The following SVOPL variants were observed in gnomAD, a reference collection of about 807,000 sequenced individuals.
SVOPL encodes the protein SVOP like.
A neutral mutation model predicts 61.0 loss-of-function variants in SVOPL; 60 were observed. The ratio of observed to expected loss-of-function variants is 0.98; its 90% CI spans 0.80 to 1.22. The LOEUF (loss-of-function observed/expected upper bound fraction) is 1.22. Among genes scored for constraint, SVOPL ranks in the 50% most tolerant of loss-of-function variants. SVOPL has a pLI of 0.00. For missense variants in SVOPL, 662 were observed against 643.9 expected (o/e 1.03, Z -0.30); for synonymous variants, 279 against 250.0 (o/e 1.12, Z -1.09).
chr7:138,682,344 A>G lies in SVOPL; in HGVS notation c.-34-3265T>C, dbSNP rs183844342. 2.0e-3 allele frequency among the ~76,000 whole-genome samples: 307 copies of G among 152,334 alleles called. 1 individual carries two copies. The highest frequency in any genetic ancestry group is 7.0e-3 in the African/African-American group (289 of 41,572). On this transcript the variant is annotated intron_variant, in intron 1 of 15. Transcript: ENST00000674285. ...GCAGATTGCATTGGGTCCTAATGAGATGCAACAGGAAGACGTATACAACAT... is the reference window on the plus strand; with the variant it reads ...GCAGATTGCATTGGGTCCTAATGAGGTGCAACAGGAAGACGTATACAACAT...
chr7:138,689,797 C>T (rs1584870856), intron 1 of SVOPL, among the ~76,000 whole-genome samples: 1 of 142,418 alleles, frequency 7.0e-6, no homozygotes, highest in South Asian at 2.2e-4. Flanking sequence ...GTGGAGGTTG[C>T]AGTGAGCTGA....
At chr7:138,643,635 G>A (rs1007821696) in intron 9 of SVOPL, among the ~76,000 whole-genome samples, 1 of 151,676 alleles carries the variant, frequency 6.6e-6, no homozygotes, top group African/African-American at 2.4e-5. Context: ...AGGACATTAT[G>A]CGAAATGAAA....
intron 1 of SVOPL, among the ~76,000 whole-genome samples, chr7:138,682,865 G>T (rs1365306921): frequency 6.6e-6 from 1 of 151,444 alleles, no homozygotes; most frequent in East Asian, 1.9e-4. Context: ...CTACTCGGGA[G>T]GCTGAGGCAC....
intron 13 of SVOPL, among the ~76,000 whole-genome samples, chr7:138,622,270 G>GTATCTATCTATCTATC (rs1224085695): frequency 1.3e-4 from 11 of 83,794 alleles, no homozygotes; most frequent in Non-Finnish European, 2.1e-4. Context: ...ATCTATCTAT[G>GTATCTATCTATCTATC]TATCTATCTA....
intron 2 of SVOPL, 122 bp downstream of exon 2, chr7:138,678,842 T>C: frequency 9.9e-7 from 1 of 1,014,798 alleles, no homozygotes; most frequent in South Asian, 1.6e-5. Flanking sequence ...AGTGATGGGA[T>C]TACAGGTGTG....
rs1194349116 is a variant in SVOPL, at chr7:138,672,689, C to T, written c.175-572G>A. Among the ~76,000 whole-genome samples, 3 of 142,026 alleles carry T rather than the reference C, an allele frequency of 2.1e-5. 1 individual carries two copies. Among genetic ancestry groups the T allele is most frequent in the African/African-American group, 8.3e-5 (3 of 36,222 alleles). 93.2% of individuals were successfully genotyped at this position (142,026 alleles called of 152,430 possible). Reference sequence around the variant, plus strand: ...AAAAAAAAAAAAGAAGCAATGGGATCTCACTATGTTGCCCAGGCTGGAAAC... The same window carrying T: ...AAAAAAAAAAAAGAAGCAATGGGATTTCACTATGTTGCCCAGGCTGGAAAC... On this transcript the variant is annotated intron_variant, in intron 3 of 15. Transcript: ENST00000674285.
At chr7:138,635,128 T>C (rs931579657) in intron 9 of SVOPL, among the ~76,000 whole-genome samples, 2 of 151,694 alleles carry the variant, frequency 1.3e-5, no homozygotes, top group African/African-American at 4.8e-5. Flanking sequence ...CAAAATTAGC[T>C]GGGTGTGGTG....
chr7:138,639,275 A>T (rs1800657157), intron 9 of SVOPL, among the ~76,000 whole-genome samples: 1 of 151,904 alleles, frequency 6.6e-6, no homozygotes, highest in Non-Finnish European at 1.5e-5. Flanking sequence ...TAAATAAATA[A>T]AAATAAATGA....
intron 14 of SVOPL, among the ~76,000 whole-genome samples, chr7:138,611,485 TAC>T (rs375656077): frequency 2.6e-4 from 39 of 152,362 alleles, no homozygotes; most frequent in African/African-American, 9.1e-4. Context: ...TTTGACAACG[TAC>T]AGTTTCTCAA....
chr7:138,642,393 GAA>G (rs1800856980), intron 9 of SVOPL, among the ~76,000 whole-genome samples: 4 of 150,876 alleles, frequency 2.7e-5, no homozygotes, highest in Admixed American at 2.7e-4. Flanking sequence ...GCTGGACCAA[GAA>G]AAGAGAGAAA....
chr7:138,632,243 C>A (rs928940760), intron 9 of SVOPL, among the ~76,000 whole-genome samples: 2 of 152,070 alleles, frequency 1.3e-5, no homozygotes, highest in African/African-American at 4.8e-5. Flanking sequence ...ACCAGCCTGG[C>A]CAACATGGTA....
chr7:138,693,529 A>AAAGAAAGAAAG (rs1554477032), intron 1 of SVOPL, among the ~76,000 whole-genome samples: 1 of 117,086 alleles, frequency 8.5e-6, no homozygotes, highest in African/African-American at 3.3e-5. Context: ...AAAAGAAAGA[A>AAAGAAAGAAAG]AAAGAAAGAA....
chr7:138,685,881 A>T (rs7793501), intron 1 of SVOPL, among the ~76,000 whole-genome samples: 39,738 of 149,548 alleles, frequency 0.27, 5,887 homozygotes, highest in African/African-American at 0.4. Context: ...AAAAAAAAAT[A>T]AAATAAAATA....
intron 14 of SVOPL, among the ~76,000 whole-genome samples, chr7:138,605,399 C>T (rs112704553): frequency 5.3e-5 from 8 of 151,770 alleles, no homozygotes; most frequent in East Asian, 2.0e-4. Flanking sequence ...CAGTGGCTCA[C>T]GCCTGTAATC....
chr7:138,650,541 G>A (rs1394208144), intron 7 of SVOPL, among the ~76,000 whole-genome samples: 5 of 151,030 alleles, frequency 3.3e-5, no homozygotes, highest in Admixed American at 6.6e-5. Context: ...CCAGTGCGGT[G>A]GCTCATGCCT....
Position 138,632,036 on chromosome 7 carries a change from T to C in SVOPL, c.790-1914A>G, listed in dbSNP as rs570817887. 8.6e-5 allele frequency among the ~76,000 whole-genome samples: 13 copies of C among 151,890 alleles called. No individual in the cohort carries two copies. In the East Asian group the frequency reaches 2.5e-3, roughly 29 times the overall value. On this transcript the variant is annotated intron_variant, in intron 9 of 15. Coordinates refer to ENST00000674285, the MANE Select transcript of SVOPL (RefSeq NM_001139456.2). ...TTCTAAGCATCTGGGCTCTGTTTTT[T>C]ATTCCTTCATATGTGATGCTCATTT...
At chr7:138,669,344 G>T (rs1802357446) in intron 4 of SVOPL, among the ~76,000 whole-genome samples, 1 of 152,112 alleles carries the variant, frequency 6.6e-6, no homozygotes, top group East Asian at 1.9e-4. Context: ...GGAGTTCAAA[G>T]CTGCGGTGAG....
chr7:138,653,956 A>G (rs1205313157), intron 7 of SVOPL, among the ~76,000 whole-genome samples: 4 of 151,092 alleles, frequency 2.6e-5, no homozygotes, highest in Non-Finnish European at 1.5e-5. Context: ...AAAGAAAAGA[A>G]AAGAAAAGAA....
chr7:138,623,897 G>A (rs1047521727), intron 13 of SVOPL, among the ~76,000 whole-genome samples: 15 of 151,950 alleles, frequency 9.9e-5, no homozygotes, highest in South Asian at 6.2e-4. Flanking sequence ...TCGACTCACC[G>A]CAACCTTTGC....
Sources: gnomAD v4.1 joint callset for allele counts (sites outside exome capture counted in the v4.1 genomes callset) on GRCh38, gnomAD v4.1.1 for gene constraint, MANE v1.5 for transcripts, NCBI Gene and HGNC (gene_info 2026-07-23, HGNC 2026-07-21) for gene names.